The following MACROD2 variants were observed in gnomAD, a reference collection of about 807,000 sequenced individuals.
The protein encoded by MACROD2 is mono-ADP ribosylhydrolase 2.
MACROD2 carries 36 observed loss-of-function variants against 70.4 expected under a neutral mutation model. That is an observed-to-expected ratio of 0.51 (90% CI 0.39 to 0.68). MACROD2 has a LOEUF of 0.68. Among genes scored for constraint, MACROD2 ranks in the 30% least tolerant of loss-of-function variants. The pLI is 0.00. For missense variants in MACROD2, 496 were observed against 538.4 expected, an observed-to-expected ratio of 0.92 and a Z score of 0.78; for synonymous variants, 172 against 178.8, an observed-to-expected ratio of 0.96 and a Z score of 0.30.
intron 5 of MACROD2, among the ~76,000 whole-genome samples, chr20:14,923,861 A>G (rs1046222849): frequency 2.6e-5 from 4 of 151,892 alleles, no homozygotes; most frequent in African/African-American, 9.7e-5. Flanking sequence ...ATAAAGGTAG[A>G]AAATGATTCA....
intron 6 of MACROD2, among the ~76,000 whole-genome samples, chr20:15,234,856 G>A (rs2077000054): frequency 6.6e-6 from 1 of 151,826 alleles, no homozygotes. Context: ...CTGATGGAGA[G>A]GATACATAGA....
intron 5 of MACROD2, among the ~76,000 whole-genome samples, chr20:14,924,123 T>TA (rs2074198998): frequency 6.6e-6 from 1 of 152,094 alleles, no homozygotes; most frequent in Admixed American, 6.6e-5. Flanking sequence ...TGCTTTTTCA[T>TA]AAAAAAGTTA....
intron 2 of MACROD2, among the ~76,000 whole-genome samples, chr20:14,026,653 A>G (rs535868981): frequency 6.6e-6 from 1 of 152,286 alleles, no homozygotes; most frequent in Admixed American, 6.5e-5. Flanking sequence ...CTTTTCTTTA[A>G]GAACGTTGAA....
intron 5 of MACROD2, among the ~76,000 whole-genome samples, chr20:15,014,069 G>GAAAAT: frequency 6.6e-6 from 1 of 152,190 alleles, no homozygotes; most frequent in Non-Finnish European, 1.5e-5. Context: ...TTGGTTTTAT[G>GAAAAT]CAGGCACAAT....
rs190050956 is a variant in MACROD2 at position 15,920,350 on chromosome 20, A to T, written c.776-12926A>T. ...AGCAACTGTCTCAGACCATCAGTCA[A>T]AATGTACAACGCAGACAAGATCACG... On this transcript the variant is annotated intron_variant, in intron 10 of 17. Coordinates refer to ENST00000684519, the MANE Select transcript of MACROD2 (RefSeq NM_001351661.2). Among the ~76,000 whole-genome samples, 113 of 152,338 alleles carry T rather than the reference A, an allele frequency of 7.4e-4. No homozygotes were observed. In the Middle Eastern group the frequency reaches 0.01, roughly 14 times the overall value.
chr20:15,065,633 G>C lies in MACROD2; in HGVS notation c.419-164307G>C, dbSNP rs538097945. Reference sequence around the variant, plus strand: ...CGCGCCACTGCACTCTAGCCTGGGCGACAGAGCGAGACTCCGTCTCCAAAA... The same window carrying C: ...CGCGCCACTGCACTCTAGCCTGGGCCACAGAGCGAGACTCCGTCTCCAAAA... On this transcript the variant is annotated intron_variant, in intron 5 of 17. Transcript: ENST00000684519. 5.6e-5 allele frequency among the ~76,000 whole-genome samples: 8 copies of C among 142,768 alleles called. No homozygotes were observed. In the East Asian group the frequency reaches 1.6e-3, roughly 29 times the overall value. 93.7% of individuals were successfully genotyped at this position (142,768 alleles called of 152,430 possible).
chr20:14,235,924 AGT>A lies in MACROD2; in HGVS notation c.271+150197_271+150198del, dbSNP rs1372808274. Among the ~76,000 whole-genome samples the A allele has an allele frequency of 4.1e-4, 63 of 151,860 alleles. No homozygotes were observed. In the East Asian group the frequency reaches 0.011, roughly 28 times the overall value. ...TAATACGTGGAAAAACATACTTAAT[AGT>A]ATTACTGTTTTTTTAATTATAACTG... On this transcript the variant is annotated intron_variant, in intron 3 of 17. Transcript: ENST00000684519.
At chr20:16,014,302 A>G (rs554929119) in intron 15 of MACROD2, among the ~76,000 whole-genome samples, 16 of 152,318 alleles carry the variant, frequency 1.1e-4, no homozygotes, top group Admixed American at 9.2e-4. Flanking sequence ...TCTCACCTAC[A>G]AAGTTGGGAT....
At chr20:14,066,937 G>A (rs1448095527) in intron 2 of MACROD2, among the ~76,000 whole-genome samples, 3 of 135,266 alleles carry the variant, frequency 2.2e-5, no homozygotes, top group African/African-American at 5.5e-5. Context: ...TCAGCCTCCC[G>A]AGTAGCTGGG....
intron 6 of MACROD2, among the ~76,000 whole-genome samples, chr20:15,309,681 C>A (rs2077732000): frequency 6.6e-6 from 1 of 151,972 alleles, no homozygotes; most frequent in South Asian, 2.1e-4. Context: ...AATATCTCTG[C>A]CTTAGGAGGA....
chr20:14,002,281 T>C lies in MACROD2; in HGVS notation c.47-7T>C, dbSNP rs1196359210. 2 of 1,552,786 alleles carry C rather than the reference T, an allele frequency of 1.3e-6. No homozygotes were observed. Among genetic ancestry groups the C allele is most frequent in the Non-Finnish European group, 1.8e-6 (2 of 1,142,688 alleles). ...TACAAATGGAGATTCTGCTTTTATTTTGCAAGAACGTTTATTGAAGATGAC... is the reference window on the plus strand; with the variant it reads ...TACAAATGGAGATTCTGCTTTTATTCTGCAAGAACGTTTATTGAAGATGAC... On this transcript the variant is annotated splice_region_variant and splice_polypyrimidine_tract_variant and intron_variant, in intron 1 of 17. Transcript: ENST00000684519.
chr20:15,862,501 T>G (rs1601011888), intron 8 of MACROD2, among the ~76,000 whole-genome samples: 1 of 152,170 alleles, frequency 6.6e-6, no homozygotes, highest in Non-Finnish European at 1.5e-5. Flanking sequence ...TTATTTGATT[T>G]ATATAGCATC....
At chr20:15,498,945 G>A (rs2047331632) in intron 7 of MACROD2, among the ~76,000 whole-genome samples, 1 of 152,182 alleles carries the variant, frequency 6.6e-6, no homozygotes, top group Non-Finnish European at 1.5e-5. Flanking sequence ...TGAGCTCAAA[G>A]AGCGTAGTTT....
chr20:15,888,414 ACTGCCCTTT>A (rs2064848036), intron 10 of MACROD2, among the ~76,000 whole-genome samples: 1 of 152,110 alleles, frequency 6.6e-6, no homozygotes. Flanking sequence ...TATGAGGGGT[ACTGCCCTTT>A]CAAGCACCCG....
intron 4 of MACROD2, among the ~76,000 whole-genome samples, chr20:14,596,118 C>G (rs1464267503): frequency 6.6e-6 from 1 of 151,624 alleles, no homozygotes; most frequent in East Asian, 1.9e-4. Context: ...CGGAGTCGCC[C>G]TCTGTGGCCC....
chr20:16,049,880 T>A lies in MACROD2; in HGVS notation c.*4T>A, dbSNP rs183688926. On this transcript the variant is annotated 3_prime_UTR_variant, in exon 18 of 18. Transcript: ENST00000684519. ...ACAAAGAAATGGAACTAAATGACAA[T>A]CCTCAGCATCGCAAGGCCTCTCCTG... 3.9e-6 allele frequency: 6 copies of A among 1,521,520 alleles called. No individual in the cohort carries two copies. The East Asian group carries it at 8.0e-5, about 20-fold the overall frequency. 94.3% of individuals were successfully genotyped at this position (1,521,520 alleles called of 1,614,324 possible). A position where few individuals can be genotyped will look rare whatever the true frequency, so the allele number is the denominator to read the frequency against.
chr20:13,995,850 G>GGGGGGGGGGTT lies in MACROD2; in HGVS notation c.46+41_46+42insGGGGGGGGGTT. ...AGTCCTGGGGGTGCGGGCGGTGGGGGTTAGGGTGGGGGCGGGGGTCAGGCT... is the reference window on the plus strand; with the variant it reads ...AGTCCTGGGGGTGCGGGCGGTGGGGGGGGGGGGGGTTTTAGGGTGGGGGCGGGGGTCAGGCT... On this transcript the variant is annotated intron_variant, in intron 1 of 17. Coordinates refer to ENST00000684519, the MANE Select transcript of MACROD2 (RefSeq NM_001351661.2). This position sits in a 1 kb window ranked among gnomAD's most constrained non-coding sequence, Gnocchi z 4.3. The GGGGGGGGGGTT allele has an allele frequency of 2.0e-6, 1 of 505,100 alleles. No individual in the cohort carries two copies. Among genetic ancestry groups the GGGGGGGGGGTT allele is most frequent in the Non-Finnish European group, 3.8e-6 (1 of 266,320 alleles). The allele number at this position is 505,100 out of a possible 1,614,324, so 31.3% of individuals were successfully genotyped here.
intron 3 of MACROD2, among the ~76,000 whole-genome samples, chr20:14,294,075 A>G (rs1339456025): frequency 6.6e-6 from 1 of 151,810 alleles, no homozygotes; most frequent in Non-Finnish European, 1.5e-5. Flanking sequence ...GATATTAGGT[A>G]CCTAAACTGT....
At chr20:14,327,261 C>T in intron 3 of MACROD2, 1 of 1,613,770 alleles carries the variant, frequency 6.2e-7, no homozygotes, top group Non-Finnish European at 8.5e-7. Context: ...CTACTTTCAG[C>T]AAGTTTTTCA....
Sources: gnomAD v4.1 joint callset for allele counts (sites outside exome capture counted in the v4.1 genomes callset) on GRCh38, gnomAD v4.1.1 for gene constraint, Gnocchi (gnomAD v3.1) non-coding constraint, MANE v1.5 for transcripts, NCBI Gene and HGNC (gene_info 2026-07-23, HGNC 2026-07-21) for gene names.